Variants in NELL1 observed in about 807,000 individuals in gnomAD.
NELL1 encodes neural EGFL like 1, also known as protein kinase C-binding protein NELL1.
NELL1 carries 76 observed loss-of-function variants against 107.4 expected under a neutral mutation model. The ratio of observed to expected loss-of-function variants is 0.71; its 90% CI spans 0.59 to 0.86. NELL1 has a LOEUF of 0.86. Ranked by LOEUF, NELL1 falls within the 40% of genes least tolerant of loss-of-function variation. NELL1 has a pLI of 0.00. For synonymous variants in NELL1, 353 were observed against 341.2 expected, an observed-to-expected ratio of 1.03 and a Z score of -0.38; for missense variants, 1,024 against 1,005.5, an observed-to-expected ratio of 1.02 and a Z score of -0.25.
intron 12 of NELL1, among the ~76,000 whole-genome samples, chr11:21,087,512 T>A (rs867744790): frequency 6.6e-6 from 1 of 152,346 alleles, no homozygotes; most frequent in Middle Eastern, 3.4e-3. Context: ...TATATGTGAA[T>A]GAGAAATTAT....
At chr11:21,218,200 C>G (rs1012171871) in intron 13 of NELL1, among the ~76,000 whole-genome samples, 2 of 151,990 alleles carry the variant, frequency 1.3e-5, no homozygotes, top group African/African-American at 4.8e-5. Flanking sequence ...TTCCTGGGGA[C>G]TATAATTGAT....
intron 13 of NELL1, among the ~76,000 whole-genome samples, chr11:21,117,915 G>A (rs1479909087): frequency 2.0e-5 from 3 of 151,990 alleles, no homozygotes; most frequent in Admixed American, 2.0e-4. Flanking sequence ...AAAGGGATGA[G>A]AAAATACTGT....
chr11:21,330,825 C>T (rs1850257179), intron 14 of NELL1, among the ~76,000 whole-genome samples: 1 of 151,780 alleles, frequency 6.6e-6, no homozygotes, highest in African/African-American at 2.4e-5. Flanking sequence ...TCTGTTTTTT[C>T]TCTTCTTCTG....
chr11:21,199,615 A>G (rs1362189008), intron 13 of NELL1, among the ~76,000 whole-genome samples: 1 of 152,068 alleles, frequency 6.6e-6, no homozygotes, highest in African/African-American at 2.4e-5. Flanking sequence ...TCTGTGATAT[A>G]TTGGTTACTG....
At chr11:21,574,753 G>A (rs977495017) in intron 19 of NELL1, among the ~76,000 whole-genome samples, 1 of 151,826 alleles carries the variant, frequency 6.6e-6, no homozygotes, top group Non-Finnish European at 1.5e-5. Flanking sequence ...TGAACTGCTA[G>A]CAGAATCCCA....
At chr11:20,733,252 T>C (rs1169877317) in intron 2 of NELL1, among the ~76,000 whole-genome samples, 1 of 152,214 alleles carries the variant, frequency 6.6e-6, no homozygotes, top group Non-Finnish European at 1.5e-5. Flanking sequence ...TCTTCTAACA[T>C]TCAGCTACAA....
At chr11:20,883,239 G>A (rs941998648) in intron 4 of NELL1, among the ~76,000 whole-genome samples, 1 of 152,154 alleles carries the variant, frequency 6.6e-6, no homozygotes, top group African/African-American at 2.4e-5. Flanking sequence ...CATGTGCCCT[G>A]GGTCACCCTG....
At chr11:21,243,171 T>C (rs1227370642) in intron 14 of NELL1, among the ~76,000 whole-genome samples, 1 of 152,146 alleles carries the variant, frequency 6.6e-6, no homozygotes, top group Non-Finnish European at 1.5e-5. Context: ...AAATCAAGTA[T>C]TCATATCTAT....
At chr11:21,398,366 G>GA (rs1259765284) in intron 15 of NELL1, among the ~76,000 whole-genome samples, 1 of 151,702 alleles carries the variant, frequency 6.6e-6, no homozygotes, top group Non-Finnish European at 1.5e-5. Context: ...CTGGCAATCT[G>GA]AAAACCTTGT....
chr11:20,897,608 A>G (rs948440932), intron 5 of NELL1, among the ~76,000 whole-genome samples: 12 of 152,176 alleles, frequency 7.9e-5, no homozygotes, highest in Non-Finnish European at 1.3e-4. Flanking sequence ...AGCAAAAGAA[A>G]CTACCATCAG....
At chr11:21,501,715 A>T (rs1855147940) in intron 15 of NELL1, among the ~76,000 whole-genome samples, 1 of 152,200 alleles carries the variant, frequency 6.6e-6, no homozygotes, top group Non-Finnish European at 1.5e-5. Context: ...AATGCAATGG[A>T]GTAGGTTTTC....
intron 15 of NELL1, among the ~76,000 whole-genome samples, chr11:21,457,639 G>C (rs1853779894): frequency 6.6e-6 from 1 of 152,066 alleles, no homozygotes; most frequent in African/African-American, 2.4e-5. Context: ...GAGAAATCCA[G>C]TGGACATTTT....
chr11:21,105,207 GTTAAGAGTGGAGGT>G (rs1854920451), intron 12 of NELL1, among the ~76,000 whole-genome samples: 1 of 152,132 alleles, frequency 6.6e-6, no homozygotes, highest in South Asian at 2.1e-4. Context: ...GTGGAGTGGG[GTTAAGAGTGGAGGT>G]TTAATAGGCA....
In NELL1 at chr11:21,573,389, T is replaced by C; in HGVS notation, c.2362T>C (p.Cys788Arg). Reference sequence around the variant, plus strand: ...AGTGTGGACGATGGCTGGATCTCCCTGCACAACCTGTAAATGCAAGGTAAT... The same window carrying C: ...AGTGTGGACGATGGCTGGATCTCCCCGCACAACCTGTAAATGCAAGGTAAT... Reference protein sequence around the residue: ...GSVWTMAGSPCTTCKCKNGRV... With the variant: ...GSVWTMAGSPRTTCKCKNGRV... The change falls in exon 19 of 20, where the codon TGC becomes CGC. Residue 788 changes from cysteine (C) to arginine (R), a missense_variant. Cys to Arg is a radical substitution (Grantham distance 180). Transcript: ENST00000357134. The C allele has an allele frequency of 6.2e-7, 1 of 1,611,906 alleles. No individual in the cohort carries two copies.
At chr11:21,305,107 C>T (rs1849579468) in intron 14 of NELL1, among the ~76,000 whole-genome samples, 2 of 151,910 alleles carry the variant, frequency 1.3e-5, no homozygotes, top group Admixed American at 6.6e-5. Context: ...TGTTAGTGGA[C>T]CAAAATTCTA....
At chr11:21,021,035 A>ACG (rs948155820) in intron 12 of NELL1, among the ~76,000 whole-genome samples, 1 of 151,748 alleles carries the variant, frequency 6.6e-6, no homozygotes, top group African/African-American at 2.4e-5. Flanking sequence ...ACACACACAC[A>ACG]CACACACACA....
chr11:20,881,732 T>C (rs892518220), intron 4 of NELL1, among the ~76,000 whole-genome samples: 22 of 152,144 alleles, frequency 1.4e-4, no homozygotes, highest in African/African-American at 5.3e-4. Flanking sequence ...TTTCCCTTTC[T>C]GCTTCCAGGA....
chr11:21,555,828 A>G (rs1439822157), intron 16 of NELL1, among the ~76,000 whole-genome samples: 3 of 151,844 alleles, frequency 2.0e-5, no homozygotes, highest in African/African-American at 7.2e-5. Flanking sequence ...CATCACGCTA[A>G]TGGATCTCTT....
At chr11:20,777,732 G>A (rs986284238) in intron 2 of NELL1, among the ~76,000 whole-genome samples, 7 of 152,220 alleles carry the variant, frequency 4.6e-5, no homozygotes, top group Admixed American at 3.9e-4. Context: ...TATATCAGGA[G>A]TTTGCTATAT....
Sources: allele counts gnomAD v4.1 joint callset (sites outside exome capture counted in the v4.1 genomes callset), GRCh38; gene constraint gnomAD v4.1.1; transcripts MANE v1.5; gene names NCBI Gene and HGNC (gene_info 2026-07-23, HGNC 2026-07-21).